Variants in PAX2 observed in about 807,000 individuals in gnomAD.
PAX2 encodes paired box 2, also known as paired box protein Pax-2.
PAX2 carries 9 observed loss-of-function variants against 41.7 expected under a neutral mutation model. That is an observed-to-expected ratio of 0.22 (90% confidence interval 0.13 to 0.38). The LOEUF is 0.38. PAX2 is among the 10% of genes least tolerant of loss of function. The pLI, the probability that PAX2 is intolerant of heterozygous loss-of-function variation, is 1.00. For synonymous variants in PAX2, 221 were observed against 212.7 expected, an observed-to-expected ratio of 1.04 and a Z score of -0.34; for missense variants, 418 against 531.6, an observed-to-expected ratio of 0.79 and a Z score of 2.10.
At chr10:100,752,475 A>G (rs964884454) in intron 3 of PAX2, among the ~76,000 whole-genome samples, 3 of 152,224 alleles carry the variant, frequency 2.0e-5, no homozygotes, top group African/African-American at 7.2e-5. Context: ...TTTATGAGCC[A>G]TGTAGAGACT....
intron 1 of PAX2, among the ~76,000 whole-genome samples, chr10:100,736,359 TC>T: frequency 6.6e-6 from 1 of 152,278 alleles, no homozygotes. Flanking sequence ...CTCTTTTTCT[TC>T]CTTCCTTCGC....
chr10:100,821,687 C>T (rs926289316), intron 7 of PAX2, among the ~76,000 whole-genome samples: 45 of 152,204 alleles, frequency 3.0e-4, no homozygotes, highest in African/African-American at 1.1e-3. Context: ...CTTCCTTCCT[C>T]CTGAAGTGAG....
At chr10:100,787,310 A>G (rs1170353447) in intron 5 of PAX2, among the ~76,000 whole-genome samples, 1 of 152,152 alleles carries the variant, frequency 6.6e-6, no homozygotes, top group East Asian at 1.9e-4. Context: ...TCGGGTAGTA[A>G]AACAAAAGCA....
chr10:100,750,989 T>C lies in PAX2; in HGVS notation c.410+98T>C. ...CAGTCTCTGCTCTTTGTCCAGCCTC[T>C]GCCCTTTCTCCCTGCTTCCAGCCCC... On this transcript the variant is annotated intron_variant, in intron 3 of 9. Transcript: ENST00000355243. This position sits in a 1 kb window ranked among gnomAD's most constrained non-coding sequence, Gnocchi z 4.1. 1 of 958,298 alleles carries C rather than the reference T, an allele frequency of 1.0e-6. No individual in the cohort carries two copies. The highest frequency in any genetic ancestry group is 1.7e-6 in the Non-Finnish European group (1 of 598,986). The allele number at this position is 958,298 out of a possible 1,614,324, so 59.4% of individuals were successfully genotyped here. A position where few individuals can be genotyped will look rare whatever the true frequency, so the allele number is the denominator to read the frequency against.
intron 3 of PAX2, among the ~76,000 whole-genome samples, chr10:100,759,380 A>C (rs1845756472): frequency 6.6e-6 from 1 of 152,140 alleles, no homozygotes; most frequent in Non-Finnish European, 1.5e-5. Context: ...AGTGTGCCGC[A>C]ATGGTCTGGC....
chr10:100,746,194 C>T lies in PAX2; in HGVS notation c.-67C>T, dbSNP rs1845163782. 6.2e-7 allele frequency: 1 copy of T among 1,609,906 alleles called. No individual in the cohort carries two copies. The highest frequency in any genetic ancestry group is 1.3e-5 in the African/African-American group (1 of 74,888). On this transcript the variant is annotated 5_prime_UTR_variant, in exon 1 of 10. Coordinates refer to ENST00000355243, the MANE Select transcript of PAX2 (RefSeq NM_000278.5). Reference sequence around the variant, plus strand: ...CCGTCCCTCCCTTTTCTCCTCAAGTCCTGAAGTTGAGTTTGAGAGGCGACA... The same window carrying T: ...CCGTCCCTCCCTTTTCTCCTCAAGTTCTGAAGTTGAGTTTGAGAGGCGACA...
intron 5 of PAX2, among the ~76,000 whole-genome samples, chr10:100,790,608 G>A (rs76517995): frequency 0.014 from 2,186 of 152,276 alleles, 19 homozygotes; most frequent in Non-Finnish European, 0.023. Context: ...CTCCCTGGGC[G>A]CCTCTTCCTC....
intron 5 of PAX2, among the ~76,000 whole-genome samples, chr10:100,783,060 C>G (rs1473006150): frequency 6.6e-6 from 1 of 152,218 alleles, no homozygotes; most frequent in Non-Finnish European, 1.5e-5. Flanking sequence ...GCTGCATGGG[C>G]TCCTGTGGGG....
chr10:100,748,101 C>T lies in PAX2; in HGVS notation c.44-1645C>T, dbSNP rs1035665004. ...CGACTCAGCGCCGACTCGCTGCAGT[C>T]CCCCAGCCCTGGACTCCCGCCGTGT... is the stretch of plus-strand genomic sequence containing the variant. On this transcript the variant is annotated intron_variant, in intron 1 of 9. Coordinates refer to ENST00000355243, the MANE Select transcript of PAX2 (RefSeq NM_000278.5). This position sits in a 1 kb window ranked among gnomAD's most constrained non-coding sequence, Gnocchi z 5.0. 16 of 984,926 alleles carry T rather than the reference C, an allele frequency of 1.6e-5. No homozygotes were observed. The highest frequency in any genetic ancestry group is 1.8e-5 in the Non-Finnish European group (15 of 829,880). 61.0% of individuals were successfully genotyped at this position (984,926 alleles called of 1,614,324 possible). A position where few individuals can be genotyped will look rare whatever the true frequency, so the allele number is the denominator to read the frequency against.
chr10:100,819,635 T>A (rs1297667876), intron 7 of PAX2, among the ~76,000 whole-genome samples: 1 of 152,066 alleles, frequency 6.6e-6, no homozygotes, highest in African/African-American at 2.4e-5. Flanking sequence ...TTAAATGAGA[T>A]AATACATCAT....
In PAX2 at chr10:100,748,711, C is replaced by T. The variant is rs898778963; in HGVS notation, c.44-1035C>T. On this transcript the variant is annotated intron_variant, in intron 1 of 9. Coordinates refer to ENST00000355243, the MANE Select transcript of PAX2 (RefSeq NM_000278.5). This position sits in a 1 kb window ranked among gnomAD's most constrained non-coding sequence, Gnocchi z 5.0. ...CCTCGGTTCCGAGATCGGGAGCCCG[C>T]GCTGGAGCCGGGTTGGAAACCCCGT... 2 of 985,510 alleles carry T rather than the reference C, an allele frequency of 2.0e-6. No individual in the cohort carries two copies. The highest frequency in any genetic ancestry group is 6.1e-5 in the Admixed American group (1 of 16,294). The allele number at this position is 985,510 out of a possible 1,614,324, so 61.0% of individuals were successfully genotyped here.
chr10:100,764,522 G>C (rs1845952956), intron 3 of PAX2, among the ~76,000 whole-genome samples: 1 of 152,184 alleles, frequency 6.6e-6, no homozygotes, highest in African/African-American at 2.4e-5. Context: ...ATGCCAGTGA[G>C]AATCATGGTC....
intron 7 of PAX2, among the ~76,000 whole-genome samples, chr10:100,810,179 A>G (rs1209136658): frequency 6.6e-6 from 1 of 152,070 alleles, no homozygotes; most frequent in East Asian, 1.9e-4. Context: ...TGGCCTGCGG[A>G]CCCAGCAGCA....
intron 6 of PAX2, among the ~76,000 whole-genome samples, 168 bp from the exon 7 acceptor site, chr10:100,808,942 G>A (rs999023504): frequency 6.6e-6 from 1 of 152,134 alleles, no homozygotes; most frequent in South Asian, 2.1e-4. Context: ...TCTACTACCC[G>A]CACAAAACTT....
chr10:100,745,128 G>A (rs1413776258), upstream of PAX2, among the ~76,000 whole-genome samples: 1 of 152,154 alleles, frequency 6.6e-6, no homozygotes, highest in Non-Finnish European at 1.5e-5. Flanking sequence ...GTGGATGGCA[G>A]GGCTGGGCGA....
At chr10:100,784,791 C>G (rs991565229) in intron 5 of PAX2, among the ~76,000 whole-genome samples, 1 of 152,154 alleles carries the variant, frequency 6.6e-6, no homozygotes, top group African/African-American at 2.4e-5. Flanking sequence ...GACTGATCAG[C>G]TGTGACTCTG....
chr10:100,802,696 G>A (rs1191999462), intron 5 of PAX2, among the ~76,000 whole-genome samples: 1 of 152,136 alleles, frequency 6.6e-6, no homozygotes, highest in African/African-American at 2.4e-5. Context: ...AAATGCATTA[G>A]TCACGGTCCC....
At chr10:100,786,881 A>G in intron 5 of PAX2, 1 of 1,055,984 alleles carries the variant, frequency 9.5e-7, no homozygotes, top group Non-Finnish European at 1.4e-6. Context: ...TCCTGCCCCC[A>G]ATCTTCTGCC....
At position 100,826,313 on chromosome 10, in the gene PAX2, C is replaced by T. The variant is rs900157399; in HGVS notation, c.1022-696C>T. Among the ~76,000 whole-genome samples the T allele has an allele frequency of 1.3e-5, 2 of 149,468 alleles. No individual in the cohort carries two copies. The highest frequency in any genetic ancestry group is 2.9e-5 in the Non-Finnish European group (2 of 67,812). ...TGGGGTCATCACACAGGAGAAAGGGCGAGGGGGAAACCTGGAGGCCTGGCC... is the reference window on the plus strand; with the variant it reads ...TGGGGTCATCACACAGGAGAAAGGGTGAGGGGGAAACCTGGAGGCCTGGCC... On this transcript the variant is annotated intron_variant, in intron 8 of 9. Coordinates refer to ENST00000355243, the MANE Select transcript of PAX2 (RefSeq NM_000278.5). This position sits in a 1 kb window ranked among gnomAD's most constrained non-coding sequence, Gnocchi z 5.5.
Sources: gnomAD v4.1 joint callset for allele counts (sites outside exome capture counted in the v4.1 genomes callset) on GRCh38, gnomAD v4.1.1 for gene constraint, Gnocchi (gnomAD v3.1) non-coding constraint, MANE v1.5 for transcripts, NCBI Gene and HGNC (gene_info 2026-07-23, HGNC 2026-07-21) for gene names.